Variants in FMN1 observed in about 807,000 individuals in gnomAD.
FMN1 encodes the protein formin-1.
In FMN1, 110 loss-of-function variants were observed where a neutral mutation model predicts 132.4. The observed-to-expected ratio is 0.83, with a 90% CI of 0.71 to 0.97. The LOEUF (loss-of-function observed/expected upper bound fraction) is 0.97, where lower values mean the gene tolerates loss of function less well. Among genes scored for constraint, FMN1 ranks in the 50% least tolerant of loss-of-function variants. FMN1 has a pLI of 0.00. For missense variants in FMN1, 1,792 were observed against 1,705.3 expected (o/e 1.05, Z -0.90); for synonymous variants, 722 against 651.7 (o/e 1.11, Z -1.64).
At chr15:32,831,576 G>A in intron 17 of FMN1, among the ~76,000 whole-genome samples, 1 of 152,092 alleles carries the variant, frequency 6.6e-6, no homozygotes, top group Admixed American at 6.6e-5. Context: ...GGGTGGGGAG[G>A]TTGGTATTGC....
chr15:33,143,436 C>T (rs1964087734), intron 4 of FMN1, among the ~76,000 whole-genome samples: 2 of 152,160 alleles, frequency 1.3e-5, no homozygotes, highest in Non-Finnish European at 2.9e-5. Context: ...GAGTATATGT[C>T]ATTGGTCAGT....
chr15:33,135,594 A>T, intron 4 of FMN1, among the ~76,000 whole-genome samples: 1 of 152,212 alleles, frequency 6.6e-6, no homozygotes. Flanking sequence ...CTCAGGAACA[A>T]GGAGGCCTCG....
chr15:32,867,486 C>T (rs536014710), intron 16 of FMN1, among the ~76,000 whole-genome samples: 90 of 152,188 alleles, frequency 5.9e-4, no homozygotes, highest in Non-Finnish European at 1.1e-3. Flanking sequence ...ATCATTACGA[C>T]CTCAGCTCAG....
chr15:32,781,550 G>A (rs2140895626), intron 19 of FMN1, among the ~76,000 whole-genome samples: 1 of 152,330 alleles, frequency 6.6e-6, no homozygotes, highest in East Asian at 1.9e-4. Flanking sequence ...AATACTGGTA[G>A]TGGGCCAGAT....
At position 33,069,993 on chromosome 15, in the gene FMN1, C is replaced by CTCTTTTTTTTTT. The variant is rs398026774; in HGVS notation, c.2044-4920_2044-4919insAAAAAAAAAAGA. On this transcript the variant is annotated intron_variant, in intron 5 of 20. Coordinates refer to ENST00000616417, the MANE Select transcript of FMN1 (RefSeq NM_001277313.2). ...AACAGATCATAAGATCAGTCTTTCT[C>CTCTTTTTTTTTT]TTTTTTTTTTTTTTTTTTTTTTTTT... Among the ~76,000 whole-genome samples, 25 of 74,324 alleles carry CTCTTTTTTTTTT rather than the reference C, an allele frequency of 3.4e-4. 3 individuals carry two copies. The highest frequency in any genetic ancestry group is 7.4e-4 in the Admixed American group (4 of 5,386). The allele number at this position is 74,324 out of a possible 152,430, so 48.8% of individuals were successfully genotyped here.
intron 2 of FMN1, among the ~76,000 whole-genome samples, chr15:33,185,025 A>C (rs535276024): frequency 6.6e-6 from 1 of 152,324 alleles, no homozygotes; most frequent in Non-Finnish European, 1.5e-5. Flanking sequence ...ACGATACCAG[A>C]CTATGTCTAA....
intron 4 of FMN1, among the ~76,000 whole-genome samples, chr15:33,114,437 T>C (rs1207704697): frequency 6.6e-6 from 1 of 152,252 alleles, no homozygotes; most frequent in East Asian, 1.9e-4. Flanking sequence ...AGAATCTGCA[T>C]AAGTGTTGAA....
At chr15:33,073,353 G>C (rs990879090) in intron 5 of FMN1, among the ~76,000 whole-genome samples, 1 of 152,158 alleles carries the variant, frequency 6.6e-6, no homozygotes, top group African/African-American at 2.4e-5. Context: ...AGCTTCATGC[G>C]AAAACCGTTT....
intron 4 of FMN1, among the ~76,000 whole-genome samples, chr15:33,100,512 G>T (rs1489367835): frequency 6.7e-6 from 1 of 149,570 alleles, no homozygotes; most frequent in African/African-American, 2.6e-5. Flanking sequence ...GGAGGAAAGG[G>T]AGGAGGAGGG....
intron 16 of FMN1, among the ~76,000 whole-genome samples, chr15:32,873,205 T>C (rs1490166618): frequency 6.6e-6 from 1 of 152,236 alleles, no homozygotes. Flanking sequence ...CAGACACTTG[T>C]AAATCTGTCG....
At chr15:33,076,027 C>A (rs1349493388) in intron 5 of FMN1, among the ~76,000 whole-genome samples, 1 of 152,082 alleles carries the variant, frequency 6.6e-6, no homozygotes, top group Non-Finnish European at 1.5e-5. Flanking sequence ...TGTCAAAGGT[C>A]CTCTAGAAAT....
intron 17 of FMN1, among the ~76,000 whole-genome samples, chr15:32,815,413 T>A (rs1258793): frequency 0.17 from 26,349 of 152,096 alleles, 2,923 homozygotes; most frequent in Non-Finnish European, 0.24. Flanking sequence ...TTCTTTGGGT[T>A]TCCCATAACT....
At chr15:32,946,517 T>C (rs934159965) in intron 9 of FMN1, among the ~76,000 whole-genome samples, 3 of 152,218 alleles carry the variant, frequency 2.0e-5, no homozygotes, top group Admixed American at 2.0e-4. Context: ...TTAGTCATAT[T>C]GCAACAAGGG....
intron 15 of FMN1, among the ~76,000 whole-genome samples, chr15:32,896,133 T>G (rs568495414): frequency 6.7e-6 from 1 of 150,174 alleles, no homozygotes; most frequent in South Asian, 2.1e-4. Context: ...AATTTCTCTT[T>G]TATCACATAC....
At chr15:32,889,677 C>T (rs902770558) in intron 15 of FMN1, among the ~76,000 whole-genome samples, 3 of 152,116 alleles carry the variant, frequency 2.0e-5, no homozygotes, top group African/African-American at 7.2e-5. Context: ...AAACAAACGT[C>T]CTTCCTTAAA....
At chr15:33,087,754 C>G (rs960854643) in intron 5 of FMN1, among the ~76,000 whole-genome samples, 7 of 151,988 alleles carry the variant, frequency 4.6e-5, no homozygotes, top group Non-Finnish European at 8.8e-5. Context: ...CCCAAATCCC[C>G]ATCAATCACA....
chr15:32,838,569 T>C (rs1212614689), intron 17 of FMN1, among the ~76,000 whole-genome samples: 1 of 152,212 alleles, frequency 6.6e-6, no homozygotes, highest in African/African-American at 2.4e-5. Context: ...AGCCTGTGTG[T>C]ACAACACACA....
At chr15:33,083,951 C>G (rs2038589616) in intron 5 of FMN1, among the ~76,000 whole-genome samples, 1 of 152,116 alleles carries the variant, frequency 6.6e-6, no homozygotes, top group South Asian at 2.1e-4. Flanking sequence ...AAGACACTCC[C>G]AACAGTGCCA....
intron 17 of FMN1, among the ~76,000 whole-genome samples, chr15:32,818,807 C>A (rs1368984168): frequency 4.6e-5 from 7 of 152,010 alleles, no homozygotes; most frequent in Non-Finnish European, 1.0e-4. Flanking sequence ...AAACAGATCT[C>A]CCTCGAAATC....
Sources: gnomAD v4.1 joint callset for allele counts (sites outside exome capture counted in the v4.1 genomes callset) on GRCh38, gnomAD v4.1.1 for gene constraint, MANE v1.5 for transcripts, NCBI Gene and HGNC (gene_info 2026-07-23, HGNC 2026-07-21) for gene names.